Variants in STAG2 observed in about 807,000 individuals in gnomAD.
STAG2 encodes cohesin subunit SA-2.
Under a neutral mutation model 108.1 loss-of-function variants are expected in STAG2, and 14 were observed. The ratio of observed to expected loss-of-function variants is 0.13; its 90% CI spans 0.09 to 0.20. The LOEUF (loss-of-function observed/expected upper bound fraction) is 0.20, where lower values mean the gene tolerates loss of function less well. Among genes scored for constraint, STAG2 ranks in the 10% least tolerant of loss-of-function variants. STAG2 has a pLI of 1.00. For synonymous variants in STAG2, 307 were observed against 302.7 expected (o/e 1.01, Z -0.15); for missense variants, 440 against 940.9 (o/e 0.47, Z 6.96).
At chrX:124,015,649 A>G (rs752114213) in intron 1 of STAG2, among the ~76,000 whole-genome samples, 26 of 111,986 alleles carry the variant, frequency 2.3e-4, no homozygotes, top group Admixed American at 1.2e-3. Flanking sequence ...CTGGGATTAC[A>G]GGTGGGAGCC....
intron 1 of STAG2, among the ~76,000 whole-genome samples, chrX:124,011,254 T>C (rs1369188926): frequency 2.7e-5 from 3 of 112,390 alleles, no homozygotes; most frequent in Non-Finnish European, 5.6e-5. Flanking sequence ...TTATTAGTTC[T>C]AAGAGTTTTT....
chrX:124,012,824 C>T (rs1342448238), intron 1 of STAG2, among the ~76,000 whole-genome samples: 1 of 111,699 alleles, frequency 9.0e-6, no homozygotes, highest in African/African-American at 3.2e-5. Flanking sequence ...TTTTTGGCTA[C>T]AGTTCTATCT....
At chrX:124,063,095 C>T (rs200296196) in intron 18 of STAG2, 21 bp from the exon 19 acceptor site, 14 of 1,181,783 alleles carry the variant, frequency 1.2e-5, no homozygotes, top group African/African-American at 5.3e-5. Context: ...ATATTTTTAA[C>T]GTGATCTTTA....
intron 32 of STAG2, 36 bp downstream of exon 32, chrX:124,091,000 G>A: frequency 1.0e-6 from 1 of 1,002,300 alleles, no homozygotes; most frequent in Non-Finnish European, 1.4e-6. Context: ...AGTCTAGGAA[G>A]TTCACTAATT....
chrX:123,998,503 G>T (rs536177684), intron 1 of STAG2, among the ~76,000 whole-genome samples: 2 of 105,030 alleles, frequency 1.9e-5, no homozygotes, highest in South Asian at 8.6e-4. Context: ...TTTTTTTAAG[G>T]AACAGTTATA....
chrX:124,073,891 C>A (rs905985025), intron 25 of STAG2, among the ~76,000 whole-genome samples: 1 of 111,357 alleles, frequency 9.0e-6, no homozygotes, highest in Non-Finnish European at 1.9e-5. Context: ...ATTTGTATTC[C>A]TCCCTTATCC....
intron 1 of STAG2, among the ~76,000 whole-genome samples, chrX:123,977,373 C>G (rs1173131515): frequency 1.8e-5 from 2 of 112,030 alleles, no homozygotes; most frequent in African/African-American, 6.5e-5. Flanking sequence ...GTAAACTGGT[C>G]TAAGTCAGGC....
intron 1 of STAG2, among the ~76,000 whole-genome samples, chrX:123,985,767 G>A (rs1032949974): frequency 4.7e-5 from 5 of 106,932 alleles, no homozygotes; most frequent in African/African-American, 6.8e-5. Context: ...CGGTAGATAC[G>A]AGGTCTTGCT....
At chrX:124,004,877 T>G (rs753363682) in intron 1 of STAG2, among the ~76,000 whole-genome samples, 16 of 111,758 alleles carry the variant, frequency 1.4e-4, no homozygotes, top group African/African-American at 5.2e-4. Context: ...GGTAACATTT[T>G]TCATAATTAC....
chrX:124,061,941 A>G, intron 17 of STAG2, 67 bp downstream of exon 17: 1 of 852,032 alleles, frequency 1.2e-6, no homozygotes, highest in African/African-American at 2.1e-5. Flanking sequence ...CTTTTTAAAA[A>G]TTCCATTTTA....
At chrX:124,083,008 A>G (rs765807602) in intron 28 of STAG2, among the ~76,000 whole-genome samples, 2 of 111,292 alleles carry the variant, frequency 1.8e-5, no homozygotes, top group South Asian at 7.5e-4. Context: ...TGAATTGTTT[A>G]TTACAAATGT....
intron 1 of STAG2, among the ~76,000 whole-genome samples, chrX:123,989,760 T>C (rs2055360072): frequency 9.2e-6 from 1 of 108,928 alleles, no homozygotes; most frequent in African/African-American, 3.3e-5. Flanking sequence ...CCCGCCACCA[T>C]GCCTGGGTAA....
At chrX:124,079,738 CAA>C (rs1396680065) in intron 27 of STAG2, among the ~76,000 whole-genome samples, 8 of 112,556 alleles carry the variant, frequency 7.1e-5, no homozygotes, top group Non-Finnish European at 1.5e-4. Context: ...TAAAAAGGAA[CAA>C]ATGCAAATTA....
rs763283668 is a variant in STAG2 at position 124,069,833 on chromosome X, CA to C, written c.2358+1178del. On this transcript the variant is annotated intron_variant, in intron 24 of 34. Transcript: ENST00000371145. Reference sequence around the variant, plus strand: ...TACTTTAATTTTCATCTCTATAATTCAGATGAAAGGAACAAGATTTCTGATG... The same window carrying C: ...TACTTTAATTTTCATCTCTATAATTCGATGAAAGGAACAAGATTTCTGATG... 5.4e-5 allele frequency among the ~76,000 whole-genome samples: 6 copies of C among 111,497 alleles called. No homozygotes were observed. In the East Asian group the frequency reaches 1.7e-3, roughly 31 times the overall value.
At chrX:123,976,523 G>GT (rs199856421) in intron 1 of STAG2, among the ~76,000 whole-genome samples, 331 of 109,060 alleles carry the variant, frequency 3.0e-3, no homozygotes, top group Non-Finnish European at 4.8e-3. Flanking sequence ...TGAAACCTTC[G>GT]TTTTTTTTTA....
Position 124,028,794 on chromosome X carries a change from T to TTATATA in STAG2, c.124-2143_124-2138dup, listed in dbSNP as rs56052834. The stretch of plus-strand genomic sequence containing the variant: ...ACTGTCCAGGAGCTCTAAGAATAGT[T>TTATATA]TATATATATATATATATATATATAT... On this transcript the variant is annotated intron_variant, in intron 4 of 34. Transcript: ENST00000371145. 5.1e-3 allele frequency among the ~76,000 whole-genome samples: 383 copies of TTATATA among 74,984 alleles called. 2 individuals are homozygous for TTATATA. Among genetic ancestry groups the TTATATA allele is most frequent in the African/African-American group, 0.02 (335 of 17,071 alleles). The allele number at this position is 74,984 out of a possible 115,157, so 65.1% of individuals were successfully genotyped here.
chrX:123,968,103 A>G (rs1009263437), intron 1 of STAG2, among the ~76,000 whole-genome samples: 3 of 110,170 alleles, frequency 2.7e-5, no homozygotes, highest in African/African-American at 9.9e-5. Context: ...CTTTCACCAT[A>G]TTGGTCAGGC....
intron 5 of STAG2, among the ~76,000 whole-genome samples, chrX:124,032,117 A>G (rs2057367430): frequency 9.0e-6 from 1 of 111,726 alleles, no homozygotes; most frequent in South Asian, 3.7e-4. Context: ...TGAGGTCTCA[A>G]TTTTCCCTGA....
chrX:123,990,182 T>G (rs901332126), intron 1 of STAG2, among the ~76,000 whole-genome samples: 2 of 111,308 alleles, frequency 1.8e-5, no homozygotes, highest in Non-Finnish European at 3.8e-5. Context: ...TCTTCTGGGG[T>G]CCAAATACCC....
Sources: allele counts gnomAD v4.1 joint callset (sites outside exome capture counted in the v4.1 genomes callset), GRCh38; gene constraint gnomAD v4.1.1; transcripts MANE v1.5; gene names NCBI Gene and HGNC (gene_info 2026-07-23, HGNC 2026-07-21).